The following NDUFA5 variants were observed in gnomAD, a reference collection of about 807,000 sequenced individuals.
NDUFA5 encodes the protein NADH dehydrogenase [ubiquinone] 1 alpha subcomplex subunit 5.
In NDUFA5, 11 loss-of-function variants were observed where a neutral mutation model predicts 19.8. The observed-to-expected ratio is 0.56, with a 90% CI of 0.35 to 0.92. NDUFA5 has a LOEUF of 0.92. Ranked by LOEUF, NDUFA5 falls within the 40% of genes least tolerant of loss-of-function variation. NDUFA5 has a pLI of 0.01. For missense variants in NDUFA5, 109 were observed against 134.2 expected (o/e 0.81, Z 0.93); for synonymous variants, 47 against 46.8 (o/e 1.00, Z -0.01).
At chr7:123,570,029 C>CTT in the NDUFA5 span, among the ~76,000 whole-genome samples, 426 of 88,186 alleles carry the variant, frequency 4.8e-3, no homozygotes, top group Non-Finnish European at 6.1e-3. Flanking sequence ...ACTGCCATAG[C>CTT]TTTTTTTTTT....
chr7:123,563,936 A>G, the NDUFA5 span, among the ~76,000 whole-genome samples: 1 of 152,216 alleles, frequency 6.6e-6, no homozygotes, highest in Non-Finnish European at 1.5e-5. Context: ...GTATGACCCA[A>G]TACAAACATC....
rs766305834 is a variant in NDUFA5 at position 123,540,890 on chromosome 7, G to GCGCGCGCGCGCGCGCGCACACA, written c.*1228_*1229insTGTGTGCGCGCGCGCGCGCGCG. The GCGCGCGCGCGCGCGCGCACACA allele has an allele frequency of 7.5e-6, 1 of 133,830 alleles. No homozygotes were observed. The highest frequency in any genetic ancestry group is 3.0e-5 in the African/African-American group (1 of 33,802). The allele number at this position is 133,830 out of a possible 1,614,324, so 8.3% of individuals were successfully genotyped here. A position where few individuals can be genotyped will look rare whatever the true frequency, so the allele number is the denominator to read the frequency against. On this transcript the variant is annotated 3_prime_UTR_variant, in exon 5 of 5. Transcript: ENST00000355749. ...TCTGAGCAAATGTGCGCATGCGCGT[G>GCGCGCGCGCGCGCGCGCACACA]CACACACACACACACACACACACAC...
chr7:123,551,169 T>C (rs1262733334), intron 2 of NDUFA5, among the ~76,000 whole-genome samples: 1 of 151,788 alleles, frequency 6.6e-6, no homozygotes, highest in East Asian at 1.9e-4. Context: ...ATGACCTTTT[T>C]GGAAATCAAG....
At chr7:123,554,063 GCTGT>G (rs1158574010) in intron 2 of NDUFA5, among the ~76,000 whole-genome samples, 1 of 152,178 alleles carries the variant, frequency 6.6e-6, no homozygotes, top group Non-Finnish European at 1.5e-5. Flanking sequence ...CTTGAACTGT[GCTGT>G]CTAAAACAGT....
chr7:123,542,163 A>G lies in NDUFA5; in HGVS notation c.307T>C (p.Leu103=), dbSNP rs1431613193. 1.5e-5 allele frequency: 24 copies of G among 1,611,898 alleles called. No individual in the cohort carries two copies. Among genetic ancestry groups the G allele is most frequent in the Non-Finnish European group, 2.0e-5 (24 of 1,179,132 alleles). Reference sequence around the variant, plus strand: ...TGATCGGCAGGAGGCTCTTCCACTAATGGCTCCCATAGTTTCCATTCCCTC... The same window carrying G: ...TGATCGGCAGGAGGCTCTTCCACTAGTGGCTCCCATAGTTTCCATTCCCTC... ...KMREWKLWEP[L]VEEPPADQWK... is the part of the protein sequence containing the mutation. Residue 103 remains leucine (L), a synonymous_variant, in exon 5 of 5, where the codon TTA becomes CTA. Coordinates refer to ENST00000355749, the MANE Select transcript of NDUFA5 (RefSeq NM_005000.5).
At chr7:123,564,107 T>C in the NDUFA5 span, among the ~76,000 whole-genome samples, 1 of 152,158 alleles carries the variant, frequency 6.6e-6, no homozygotes, top group Non-Finnish European at 1.5e-5. Flanking sequence ...AAATAGGCGA[T>C]GCCTAGAATA....
chr7:123,584,012 G>T, the NDUFA5 span, among the ~76,000 whole-genome samples: 1 of 151,954 alleles, frequency 6.6e-6, no homozygotes, highest in Non-Finnish European at 1.5e-5. Flanking sequence ...GTTAGCCCCG[G>T]AGTTCATCCC....
chr7:123,562,932 G>A, the NDUFA5 span, among the ~76,000 whole-genome samples: 1 of 151,440 alleles, frequency 6.6e-6, no homozygotes, highest in Non-Finnish European at 1.5e-5. Context: ...TGAGTAACTA[G>A]GATTACAGGC....
the NDUFA5 span, among the ~76,000 whole-genome samples, chr7:123,589,932 A>T: frequency 1.3e-5 from 2 of 152,256 alleles, no homozygotes; most frequent in African/African-American, 4.8e-5. Context: ...TTACACTCCC[A>T]CCAACAGTGT....
the NDUFA5 span, among the ~76,000 whole-genome samples, chr7:123,569,918 T>C: frequency 6.6e-6 from 1 of 152,116 alleles, no homozygotes; most frequent in South Asian, 2.1e-4. Context: ...AATTAGAAGT[T>C]AGAAGCAAAT....
At chr7:123,578,438 C>T in the NDUFA5 span, among the ~76,000 whole-genome samples, 2 of 151,874 alleles carry the variant, frequency 1.3e-5, no homozygotes, top group Non-Finnish European at 2.9e-5. Flanking sequence ...GAACATACCC[C>T]TCTTTCCTCC....
rs1179465905 is a variant in NDUFA5, at chr7:123,541,629, C to G, written c.*490G>C. The G allele has an allele frequency of 6.6e-6, 1 of 152,140 alleles. No homozygotes were observed. Among genetic ancestry groups the G allele is most frequent in the Non-Finnish European group, 1.5e-5 (1 of 68,020 alleles). 9.4% of individuals were successfully genotyped at this position (152,140 alleles called of 1,614,324 possible). A position where few individuals can be genotyped will look rare whatever the true frequency, so the allele number is the denominator to read the frequency against. ...ACATAAGATCACAGCTGAGGTTAAC[C>G]ATAATTTCAAATTTTATCACCAGCC... On this transcript the variant is annotated 3_prime_UTR_variant, in exon 5 of 5. Coordinates refer to ENST00000355749, the MANE Select transcript of NDUFA5 (RefSeq NM_005000.5).
chr7:123,560,765 A>T (rs933040026), upstream of NDUFA5, among the ~76,000 whole-genome samples: 1 of 152,186 alleles, frequency 6.6e-6, no homozygotes, highest in African/African-American at 2.4e-5. Flanking sequence ...CACTGTTACC[A>T]TCATGACCTC....
At chr7:123,601,438 G>T in the NDUFA5 span, among the ~76,000 whole-genome samples, 1 of 152,118 alleles carries the variant, frequency 6.6e-6, no homozygotes, top group Non-Finnish European at 1.5e-5. Context: ...AATGAAATTT[G>T]ACCTGAATCT....
the NDUFA5 span, among the ~76,000 whole-genome samples, chr7:123,574,208 C>CT: frequency 4.5e-4 from 64 of 142,350 alleles, no homozygotes; most frequent in African/African-American, 7.2e-4. Flanking sequence ...CTTTTTTTTT[C>CT]TTTTTTTTTT....
At chr7:123,561,349 G>T (rs1798685405), upstream of NDUFA5, among the ~76,000 whole-genome samples, 1 of 152,232 alleles carries the variant, frequency 6.6e-6, no homozygotes, top group Non-Finnish European at 1.5e-5. Flanking sequence ...ACCAGGAGTA[G>T]ATTCCATCTC....
Position 123,542,053 on chromosome 7 carries a change from G to T in NDUFA5, c.*66C>A. Reference sequence around the variant, plus strand: ...TACAAAATGTCAGTAATAAGAACACGCTCTTAATATAACAGAATATTTAAT... The same window carrying T: ...TACAAAATGTCAGTAATAAGAACACTCTCTTAATATAACAGAATATTTAAT... On this transcript the variant is annotated 3_prime_UTR_variant, in exon 5 of 5. Coordinates refer to ENST00000355749, the MANE Select transcript of NDUFA5 (RefSeq NM_005000.5). 1 of 1,121,398 alleles carries T rather than the reference G, an allele frequency of 8.9e-7. No homozygotes were observed. The highest frequency in any genetic ancestry group is 1.3e-6 in the Non-Finnish European group (1 of 787,642). 69.5% of individuals were successfully genotyped at this position (1,121,398 alleles called of 1,614,324 possible). A position where few individuals can be genotyped will look rare whatever the true frequency, so the allele number is the denominator to read the frequency against.
the NDUFA5 span, among the ~76,000 whole-genome samples, chr7:123,575,078 G>A: frequency 8.0e-4 from 94 of 117,286 alleles, 2 homozygotes; most frequent in African/African-American, 3.0e-3. Flanking sequence ...TTTTTTTTTG[G>A]TAGTTTTAAA....
chr7:123,547,903 C>A (rs972951029), intron 3 of NDUFA5, among the ~76,000 whole-genome samples: 1 of 152,030 alleles, frequency 6.6e-6, no homozygotes, highest in Non-Finnish European at 1.5e-5. Flanking sequence ...ACGTGCATTA[C>A]CTCATTCGGT....
Sources: allele counts gnomAD v4.1 joint callset (sites outside exome capture counted in the v4.1 genomes callset), GRCh38; gene constraint gnomAD v4.1.1; transcripts MANE v1.5; gene names NCBI Gene and HGNC (gene_info 2026-07-23, HGNC 2026-07-21).